VPS13B: variants seen among roughly 807,000 people sequenced by gnomAD.
VPS13B encodes the protein intermembrane lipid transfer protein VPS13B.
In VPS13B, 285 loss-of-function variants were observed where a neutral mutation model predicts 426.4. The ratio of observed to expected loss-of-function variants is 0.67; its 90% confidence interval spans 0.61 to 0.74. The LOEUF (loss-of-function observed/expected upper bound fraction) is 0.74, where lower values mean the gene tolerates loss of function less well. Ranked by LOEUF, VPS13B falls within the 30% of genes least tolerant of loss-of-function variation. The pLI is 0.00. For synonymous variants in VPS13B, 1,676 were observed against 1,676.4 expected, an observed-to-expected ratio of 1.00 and a Z score of 0.01; for missense variants, 4,537 against 4,782.6, an observed-to-expected ratio of 0.95 and a Z score of 1.51.
chr8:99,357,113 C>T (rs1812222562), intron 19 of VPS13B, among the ~76,000 whole-genome samples: 2 of 152,160 alleles, frequency 1.3e-5, no homozygotes, highest in African/African-American at 4.8e-5. Context: ...AATTGATCAA[C>T]TCCTAAGCAC....
At chr8:99,334,017 C>A (rs1413222809) in intron 19 of VPS13B, among the ~76,000 whole-genome samples, 1 of 151,874 alleles carries the variant, frequency 6.6e-6, no homozygotes, top group Non-Finnish European at 1.5e-5. Context: ...TGTGTTTAAA[C>A]CTGCTATAAA....
chr8:99,389,136 G>A (rs568243461), intron 20 of VPS13B, among the ~76,000 whole-genome samples: 18 of 151,892 alleles, frequency 1.2e-4, no homozygotes, highest in Non-Finnish European at 2.2e-4. Flanking sequence ...GTGACAGAGC[G>A]AGACTCTGTC....
intron 19 of VPS13B, among the ~76,000 whole-genome samples, chr8:99,372,026 C>T (rs935235608): frequency 2.2e-4 from 33 of 151,966 alleles, no homozygotes; most frequent in Middle Eastern, 3.4e-3. Flanking sequence ...CCGAGGCGGG[C>T]GGATCACGAG....
At chr8:99,165,190 CTG>C (rs754911864) in intron 15 of VPS13B, among the ~76,000 whole-genome samples, 28 of 152,156 alleles carry the variant, frequency 1.8e-4, no homozygotes, top group Non-Finnish European at 3.2e-4. Context: ...GTGGTGAGAA[CTG>C]TTTAAATCTG....
At chr8:99,134,183 C>G (rs1397837086) in intron 8 of VPS13B, among the ~76,000 whole-genome samples, 1 of 152,050 alleles carries the variant, frequency 6.6e-6, no homozygotes, top group Non-Finnish European at 1.5e-5. Flanking sequence ...CTAGAAAGAG[C>G]CTGTTTTATC....
At chr8:99,675,387 T>C (rs1830890155) in intron 35 of VPS13B, among the ~76,000 whole-genome samples, 1 of 152,194 alleles carries the variant, frequency 6.6e-6, no homozygotes, top group Non-Finnish European at 1.5e-5. Flanking sequence ...TGTCTTTGTC[T>C]TTGATCTTTG....
At chr8:99,301,118 C>T (rs748884899) in intron 19 of VPS13B, among the ~76,000 whole-genome samples, 3 of 151,480 alleles carry the variant, frequency 2.0e-5, no homozygotes, top group Non-Finnish European at 2.9e-5. Context: ...GGAAGGCTGA[C>T]GTGGAAGGAT....
intron 8 of VPS13B, among the ~76,000 whole-genome samples, chr8:99,130,382 C>T (rs1222856382): frequency 1.2e-4 from 18 of 146,918 alleles, no homozygotes; most frequent in Admixed American, 8.8e-4. Context: ...TTGTAATGTT[C>T]GGGTCCTTTT....
chr8:99,408,628 C>A (rs115685210), intron 21 of VPS13B, among the ~76,000 whole-genome samples: 1 of 152,058 alleles, frequency 6.6e-6, no homozygotes. Context: ...ATGTTCAGTA[C>A]GCAGTTGGAT....
intron 3 of VPS13B, among the ~76,000 whole-genome samples, chr8:99,040,746 C>CT: frequency 6.6e-6 from 1 of 151,844 alleles, no homozygotes; most frequent in East Asian, 1.9e-4. Context: ...GTGAAGGGGC[C>CT]TTTTAGAGTT....
chr8:99,147,860 A>G lies in VPS13B; in HGVS notation c.1863A>G (p.Glu621=). 1.3e-6 allele frequency: 2 copies of G among 1,545,080 alleles called. No homozygotes were observed. Among genetic ancestry groups the G allele is most frequent in the Non-Finnish European group, 1.7e-6 (2 of 1,145,212 alleles). ...TTTTAGATATTAAGGATGAAAATGA[A>G]ACAATACTGAATCCTGAAGAGGTGG... The part of the protein sequence containing the change: ...RLKSDIKDEN[E]TILNPEEVAL... Residue 621 remains glutamate (E), a synonymous_variant, in exon 14 of 62, where the codon GAA becomes GAG. Coordinates refer to ENST00000357162, the MANE Select transcript of VPS13B (RefSeq NM_152564.5).
intron 7 of VPS13B, among the ~76,000 whole-genome samples, chr8:99,117,624 A>C (rs1847731960): frequency 6.6e-6 from 1 of 152,216 alleles, no homozygotes; most frequent in Non-Finnish European, 1.5e-5. Flanking sequence ...CAAAAAAATG[A>C]AATACTGATA....
chr8:99,030,267 T>C (rs1295855859), intron 2 of VPS13B, among the ~76,000 whole-genome samples: 1 of 147,808 alleles, frequency 6.8e-6, no homozygotes, highest in Non-Finnish European at 1.5e-5. Context: ...CTCAAAATAA[T>C]GTTCAGCGTT....
In VPS13B at chr8:99,662,243, C is replaced by T. The variant is rs972961069; in HGVS notation, c.6046+752C>T. 4.6e-5 allele frequency among the ~76,000 whole-genome samples: 7 copies of T among 151,960 alleles called. No individual in the cohort carries two copies. The East Asian group carries it at 1.3e-3, about 29-fold the overall frequency. On this transcript the variant is annotated intron_variant, in intron 35 of 61. Transcript: ENST00000357162. ...TTTTTTTCTTTATTCCTCGATCTTC[C>T]TCCTCTGTCTTTTCTTCCTTCATCT...
At chr8:99,824,072 A>G in intron 51 of VPS13B, 94 bp downstream of exon 51, 1 of 1,434,444 alleles carries the variant, frequency 7.0e-7, no homozygotes, top group South Asian at 1.2e-5. Flanking sequence ...ATGAAAAGCT[A>G]ACCCTGAATG....
intron 43 of VPS13B, among the ~76,000 whole-genome samples, chr8:99,786,144 A>G (rs1812253377): frequency 6.6e-6 from 1 of 152,092 alleles, no homozygotes; most frequent in African/African-American, 2.4e-5. Flanking sequence ...TTCATGCTAT[A>G]GACATACAGT....
At chr8:99,353,190 G>T (rs950388388) in intron 19 of VPS13B, among the ~76,000 whole-genome samples, 12 of 151,948 alleles carry the variant, frequency 7.9e-5, no homozygotes, top group African/African-American at 2.4e-4. Flanking sequence ...TACCATGTTG[G>T]CCAGGCTGTT....
intron 35 of VPS13B, among the ~76,000 whole-genome samples, chr8:99,666,915 G>A (rs990593022): frequency 1.3e-5 from 2 of 152,260 alleles, no homozygotes; most frequent in South Asian, 2.1e-4. Context: ...AAACCCCATC[G>A]TCTCAGCCCA....
At chr8:99,440,850 G>T (rs1817646397) in intron 22 of VPS13B, among the ~76,000 whole-genome samples, 1 of 151,948 alleles carries the variant, frequency 6.6e-6, no homozygotes, top group South Asian at 2.1e-4. Flanking sequence ...ATTTTTCAAG[G>T]TAGTATCAAT....
Sources: allele counts gnomAD v4.1 joint callset (sites outside exome capture counted in the v4.1 genomes callset), GRCh38; gene constraint gnomAD v4.1.1; transcripts MANE v1.5; gene names NCBI Gene and HGNC (gene_info 2026-07-23, HGNC 2026-07-21).